The following WWOX variants were observed in gnomAD, a reference collection of about 807,000 sequenced individuals.
WWOX encodes the protein WW domain containing oxidoreductase.
WWOX carries 69 observed loss-of-function variants against 46.2 expected under a neutral mutation model. The ratio of observed to expected loss-of-function variants is 1.49; its 90% CI spans 1.23 to 1.82. The LOEUF (loss-of-function observed/expected upper bound fraction) is 1.82, where lower values mean the gene tolerates loss of function less well. Among genes scored for constraint, WWOX ranks in the 40% most tolerant of loss-of-function variants. WWOX has a pLI of 0.00. For missense variants in WWOX, 919 were observed against 542.6 expected (o/e 1.69, Z -6.89); for synonymous variants, 359 against 202.6 (o/e 1.77, Z -6.56).
intron 5 of WWOX, among the ~76,000 whole-genome samples, chr16:78,375,087 A>T (rs2151924763): frequency 6.6e-6 from 1 of 152,352 alleles, no homozygotes; most frequent in African/African-American, 2.4e-5. Flanking sequence ...AAGCACATTT[A>T]AAAATATTTT....
At chr16:78,690,255 A>T (rs1015973810) in intron 8 of WWOX, among the ~76,000 whole-genome samples, 1 of 152,238 alleles carries the variant, frequency 6.6e-6, no homozygotes. Flanking sequence ...GTGAACACAT[A>T]AATAATGTTT....
chr16:78,514,141 T>G (rs923340487), intron 8 of WWOX, among the ~76,000 whole-genome samples: 4 of 152,210 alleles, frequency 2.6e-5, no homozygotes, highest in African/African-American at 9.7e-5. Context: ...TATAGAGGCT[T>G]CAGACGTCAG....
chr16:78,569,875 C>G (rs1404993992), intron 8 of WWOX, among the ~76,000 whole-genome samples: 3 of 152,170 alleles, frequency 2.0e-5, no homozygotes, highest in South Asian at 2.1e-4. Context: ...CTGCTTCTAG[C>G]TCATCATCTT....
chr16:78,995,889 G>A (rs766609631), intron 8 of WWOX, among the ~76,000 whole-genome samples: 4 of 152,132 alleles, frequency 2.6e-5, no homozygotes, highest in Non-Finnish European at 4.4e-5. Context: ...ATCTTAAATG[G>A]GATCATTTCC....
At chr16:78,948,303 C>G (rs978169788) in intron 8 of WWOX, among the ~76,000 whole-genome samples, 2 of 152,202 alleles carry the variant, frequency 1.3e-5, no homozygotes, top group Non-Finnish European at 2.9e-5. Flanking sequence ...CTGTTGCTGT[C>G]TCACCAAAGA....
intron 6 of WWOX, among the ~76,000 whole-genome samples, chr16:78,410,211 A>G (rs1235281976): frequency 1.3e-5 from 2 of 152,178 alleles, no homozygotes; most frequent in Non-Finnish European, 2.9e-5. Context: ...AGCCAAGCAC[A>G]TGCTTCTTGT....
intron 8 of WWOX, among the ~76,000 whole-genome samples, chr16:78,573,721 G>T (rs539461279): frequency 6.6e-6 from 1 of 152,176 alleles, no homozygotes; most frequent in Admixed American, 6.5e-5. Flanking sequence ...ATAATCCAAA[G>T]CTTTCATCAG....
At chr16:78,564,575 A>T (rs1235131273) in intron 8 of WWOX, among the ~76,000 whole-genome samples, 1 of 152,210 alleles carries the variant, frequency 6.6e-6, no homozygotes, top group Non-Finnish European at 1.5e-5. Context: ...CAGAGGTCTC[A>T]TATCAAGAAA....
chr16:78,300,073 C>G (rs1449567629), intron 5 of WWOX, among the ~76,000 whole-genome samples: 1 of 152,126 alleles, frequency 6.6e-6, no homozygotes, highest in Middle Eastern at 3.2e-3. Flanking sequence ...GTGCTTAAAA[C>G]AGAAAGAATT....
intron 8 of WWOX, among the ~76,000 whole-genome samples, chr16:78,623,682 C>G (rs1384029797): frequency 1.3e-5 from 2 of 150,254 alleles, no homozygotes; most frequent in Non-Finnish European, 2.9e-5. Context: ...ATGTTATTAG[C>G]TGAGTCATGT....
At chr16:78,659,355 T>C (rs1449084669) in intron 8 of WWOX, among the ~76,000 whole-genome samples, 2 of 151,926 alleles carry the variant, frequency 1.3e-5, no homozygotes, top group African/African-American at 4.8e-5. Flanking sequence ...CAAAGGCTCG[T>C]CCCCAAGCGA....
chr16:78,848,699 C>T (rs538336213), intron 8 of WWOX, among the ~76,000 whole-genome samples: 120 of 152,286 alleles, frequency 7.9e-4, no homozygotes, highest in African/African-American at 2.8e-3. Flanking sequence ...CTAGATCAGT[C>T]TGCTCTCCTC....
chr16:78,517,582 C>T (rs1384945702), intron 8 of WWOX, among the ~76,000 whole-genome samples: 1 of 152,044 alleles, frequency 6.6e-6, no homozygotes, highest in Non-Finnish European at 1.5e-5. Flanking sequence ...ATATTGTGGT[C>T]CGGAGAGGGT....
intron 1 of WWOX, among the ~76,000 whole-genome samples, chr16:78,105,307 C>T (rs1216600335): frequency 6.6e-6 from 1 of 152,048 alleles, no homozygotes; most frequent in East Asian, 1.9e-4. Context: ...ACTAAAAATA[C>T]AAAAATTATC....
At chr16:78,519,430 G>C (rs1206513345) in intron 8 of WWOX, among the ~76,000 whole-genome samples, 2 of 151,882 alleles carry the variant, frequency 1.3e-5, no homozygotes, top group East Asian at 3.9e-4. Context: ...GGTAAAACAT[G>C]TTAACAGTCT....
At chr16:78,519,815 C>G (rs1402742649) in intron 8 of WWOX, among the ~76,000 whole-genome samples, 2 of 152,258 alleles carry the variant, frequency 1.3e-5, no homozygotes, top group African/African-American at 4.8e-5. Context: ...CTACTGGCCC[C>G]TTTATCTTGA....
chr16:78,935,423 C>A (rs1181614626), intron 8 of WWOX, among the ~76,000 whole-genome samples: 2 of 152,014 alleles, frequency 1.3e-5, no homozygotes, highest in African/African-American at 4.8e-5. Flanking sequence ...ACTACACAGC[C>A]ATAAAAAAAG....
chr16:78,102,496 C>T (rs1479515722), intron 1 of WWOX, among the ~76,000 whole-genome samples: 1 of 152,226 alleles, frequency 6.6e-6, no homozygotes, highest in East Asian at 1.9e-4. Context: ...GGGACATTTC[C>T]AGCAGCAGAG....
intron 8 of WWOX, among the ~76,000 whole-genome samples, chr16:78,726,816 A>T (rs529746139): frequency 1.5e-4 from 23 of 151,908 alleles, no homozygotes; most frequent in Admixed American, 1.4e-3. Flanking sequence ...GAATAGTTCT[A>T]TGGAAATAGG....
Sources: gnomAD v4.1 joint callset for allele counts (sites outside exome capture counted in the v4.1 genomes callset) on GRCh38, gnomAD v4.1.1 for gene constraint, MANE v1.5 for transcripts, NCBI Gene and HGNC (gene_info 2026-07-23, HGNC 2026-07-21) for gene names.